The following COMMD1 variants were observed in gnomAD, a reference collection of about 807,000 sequenced individuals.
The protein encoded by COMMD1 is COMM domain-containing protein 1.
A neutral mutation model predicts 17.2 loss-of-function variants in COMMD1; 10 were observed. The observed-to-expected ratio is 0.58, with a 90% confidence interval of 0.36 to 0.99. COMMD1 has a LOEUF of 0.99. Ranked by LOEUF, COMMD1 falls within the 50% of genes least tolerant of loss-of-function variation. The pLI, the probability that COMMD1 is intolerant of heterozygous loss-of-function variation, is 0.01. For missense variants in COMMD1, 270 were observed against 231.8 expected, an observed-to-expected ratio of 1.17 and a Z score of -1.07; for synonymous variants, 97 against 91.6, an observed-to-expected ratio of 1.06 and a Z score of -0.34.
chr2:61,975,318 T>A (rs972282014), intron 1 of COMMD1, among the ~76,000 whole-genome samples: 1 of 152,164 alleles, frequency 6.6e-6, no homozygotes, highest in Non-Finnish European at 1.5e-5. Context: ...AAAACTGCTA[T>A]AAAAAACCAC....
In COMMD1 at chr2:62,068,194, A is replaced by G. The variant is rs1427815614; in HGVS notation, c.462+67212A>G. 3.3e-5 allele frequency among the ~76,000 whole-genome samples: 5 copies of G among 152,240 alleles called. No homozygotes were observed. In the East Asian group the frequency reaches 7.7e-4, roughly 23 times the overall value. On this transcript the variant is annotated intron_variant, in intron 2 of 2. Transcript: ENST00000311832. ...CAAGATGATTCCACGAGGAAAGGAT[A>G]TATTTCTTTCAAGAAATAGAGTTGG...
upstream of COMMD1, among the ~76,000 whole-genome samples, chr2:61,902,420 C>T (rs755589214): frequency 6.6e-6 from 1 of 151,826 alleles, no homozygotes; most frequent in Middle Eastern, 3.4e-3. Context: ...GCAGGAGAAT[C>T]GTTTGAACCC....
intron 2 of COMMD1, among the ~76,000 whole-genome samples, chr2:62,029,720 GACACCTGTATTTCCTGTTAGAC>G (rs1669862784): frequency 6.6e-6 from 1 of 152,150 alleles, no homozygotes; most frequent in Non-Finnish European, 1.5e-5. Context: ...ATGTTTCTCT[GACACCTGTATTTCCTGTTAGAC>G]CTAGAAAAGG....
chr2:61,910,231 A>C (rs1572951960), intron 1 of COMMD1, among the ~76,000 whole-genome samples: 2 of 151,550 alleles, frequency 1.3e-5, no homozygotes, highest in East Asian at 3.9e-4. Flanking sequence ...AAAATATATA[A>C]AAGGCAGTTG....
At chr2:62,029,881 A>G (rs1669866860) in intron 2 of COMMD1, among the ~76,000 whole-genome samples, 1 of 152,260 alleles carries the variant, frequency 6.6e-6, no homozygotes, top group Admixed American at 6.5e-5. Context: ...AAAATTACCG[A>G]CAAGAAGCAG....
chr2:62,030,145 G>C (rs1669874020), intron 2 of COMMD1, among the ~76,000 whole-genome samples: 1 of 152,190 alleles, frequency 6.6e-6, no homozygotes, highest in Non-Finnish European at 1.5e-5. Flanking sequence ...CGTCCTTCTG[G>C]GTGTGGGCAG....
At position 61,917,318 on chromosome 2, in the gene COMMD1, C is replaced by G. The variant is rs533858418; in HGVS notation, c.180+11460C>G. On this transcript the variant is annotated intron_variant, in intron 1 of 2. Transcript: ENST00000311832. ...GTTGCAGTGAGCCGAGATTGTGCCACTGTACTCCAGCCTGGGAGACAGAGC... is the reference window on the plus strand; with the variant it reads ...GTTGCAGTGAGCCGAGATTGTGCCAGTGTACTCCAGCCTGGGAGACAGAGC... Among the ~76,000 whole-genome samples the G allele has an allele frequency of 2.0e-5, 3 of 150,634 alleles. No individual in the cohort carries two copies. The East Asian group carries it at 5.9e-4, about 30-fold the overall frequency.
At chr2:62,053,098 A>G (rs1240410377) in intron 2 of COMMD1, among the ~76,000 whole-genome samples, 1 of 152,176 alleles carries the variant, frequency 6.6e-6, no homozygotes, top group Non-Finnish European at 1.5e-5. Flanking sequence ...AACAAAAAGT[A>G]TCATTCTCAT....
rs55789110 is a variant in COMMD1 at position 62,121,371 on chromosome 2, C to CAAAAAA, written c.463-14439_463-14434dup. Among the ~76,000 whole-genome samples the CAAAAAA allele has an allele frequency of 1.4e-3, 67 of 47,208 alleles. 4 individuals carry two copies. Among genetic ancestry groups the CAAAAAA allele is most frequent in the African/African-American group, 5.7e-3 (61 of 10,750 alleles). The allele number at this position is 47,208 out of a possible 152,430, so 31.0% of individuals were successfully genotyped here. A position where few individuals can be genotyped will look rare whatever the true frequency, so the allele number is the denominator to read the frequency against. On this transcript the variant is annotated intron_variant, in intron 2 of 2. Coordinates refer to ENST00000311832, the MANE Select transcript of COMMD1 (RefSeq NM_152516.4). ...GGCAACAGAGTGAGAGACTCTTTCT[C>CAAAAAA]AAAAAAAAAAAAAAAAAAAAAAAAA...
Position 62,100,754 on chromosome 2 carries a change from A to G in COMMD1, c.463-35077A>G, listed in dbSNP as rs140951273. ...CCCTCAGAGACAATAGATGAAAAAT[A>G]TTTCCTATTCGGATCTTTAAAAGGT... On this transcript the variant is annotated intron_variant, in intron 2 of 2. Transcript: ENST00000311832. Among the ~76,000 whole-genome samples, 27 of 152,258 alleles carry G rather than the reference A, an allele frequency of 1.8e-4. No individual in the cohort carries two copies. The East Asian group carries it at 4.8e-3, about 27-fold the overall frequency.
At chr2:62,023,538 C>G (rs1277126622) in intron 2 of COMMD1, among the ~76,000 whole-genome samples, 4 of 151,596 alleles carry the variant, frequency 2.6e-5, no homozygotes, top group African/African-American at 9.7e-5. Flanking sequence ...GGCTGGAGTG[C>G]AGTGGAGCAA....
chr2:62,062,388 GGC>G (rs1476409036), intron 2 of COMMD1, among the ~76,000 whole-genome samples: 3 of 151,862 alleles, frequency 2.0e-5, no homozygotes, highest in Non-Finnish European at 4.4e-5. Flanking sequence ...CACCATGCCT[GGC>G]TAATTTTTTG....
At chr2:61,956,753 T>C (rs1671208142) in intron 1 of COMMD1, among the ~76,000 whole-genome samples, 1 of 150,244 alleles carries the variant, frequency 6.7e-6, no homozygotes, top group South Asian at 2.1e-4. Context: ...TTTTTTTGTT[T>C]GTTTGTTTTG....
intron 2 of COMMD1, among the ~76,000 whole-genome samples, chr2:62,003,311 G>T (rs2103811530): frequency 6.6e-6 from 1 of 151,918 alleles, no homozygotes; most frequent in African/African-American, 2.4e-5. Flanking sequence ...GGAGGCCAAG[G>T]CAGGTGGATC....
intron 2 of COMMD1, among the ~76,000 whole-genome samples, chr2:62,006,869 A>G (rs1173175341): frequency 6.6e-6 from 1 of 152,148 alleles, no homozygotes; most frequent in East Asian, 1.9e-4. Context: ...AAGGGATGGT[A>G]ATTTATACCT....
intron 2 of COMMD1, among the ~76,000 whole-genome samples, chr2:62,082,730 C>T (rs754841253): frequency 2.0e-5 from 3 of 152,020 alleles, no homozygotes; most frequent in East Asian, 1.9e-4. Flanking sequence ...CGTGGTGGCA[C>T]GTGCCTGTAG....
At chr2:61,930,833 A>G (rs1401330218) in intron 1 of COMMD1, among the ~76,000 whole-genome samples, 1 of 152,106 alleles carries the variant, frequency 6.6e-6, no homozygotes, top group Non-Finnish European at 1.5e-5. Flanking sequence ...CTCTTGGTGG[A>G]AGAAACAAGT....
At chr2:62,131,134 G>A (rs1215337399) in intron 2 of COMMD1, among the ~76,000 whole-genome samples, 2 of 152,234 alleles carry the variant, frequency 1.3e-5, no homozygotes, top group Non-Finnish European at 2.9e-5. Flanking sequence ...TTTAACATTT[G>A]CACTTGGAGA....
intron 2 of COMMD1, among the ~76,000 whole-genome samples, chr2:62,034,651 A>G (rs1669994839): frequency 6.6e-6 from 1 of 152,226 alleles, no homozygotes; most frequent in Admixed American, 6.5e-5. Context: ...ATTGGGCCAT[A>G]TCTACCTTGA....
Sources: allele counts gnomAD v4.1 joint callset (sites outside exome capture counted in the v4.1 genomes callset), GRCh38; gene constraint gnomAD v4.1.1; transcripts MANE v1.5; gene names NCBI Gene and HGNC (gene_info 2026-07-23, HGNC 2026-07-21).